NPAS3: variants seen among roughly 807,000 people sequenced by gnomAD.
NPAS3 encodes neuronal PAS domain protein 3, also known as neuronal PAS domain-containing protein 3.
A neutral mutation model predicts 73.1 loss-of-function variants in NPAS3; 14 were observed. The ratio of observed to expected loss-of-function variants is 0.19; its 90% CI spans 0.13 to 0.30. The LOEUF (loss-of-function observed/expected upper bound fraction) is 0.30, where lower values mean the gene tolerates loss of function less well. NPAS3 is among the 10% of genes least tolerant of loss of function. The probability of loss-of-function intolerance (pLI) is 1.00; values close to 1 mark genes in which losing one functional copy is unlikely to be tolerated. For synonymous variants in NPAS3, 620 were observed against 541.5 expected, an observed-to-expected ratio of 1.14 and a Z score of -2.01; for missense variants, 1,096 against 1,250.0, an observed-to-expected ratio of 0.88 and a Z score of 1.86.
intron 6 of NPAS3, among the ~76,000 whole-genome samples, chr14:33,702,887 G>A (rs1036798051): frequency 5.3e-5 from 8 of 152,116 alleles, no homozygotes; most frequent in Admixed American, 1.3e-4. Context: ...ATAAGCCCTA[G>A]GTTGATCATT....
chr14:33,323,770 A>G (rs894496782), intron 3 of NPAS3, among the ~76,000 whole-genome samples: 1 of 152,252 alleles, frequency 6.6e-6, no homozygotes, highest in African/African-American at 2.4e-5. Context: ...TAGAGGAAAA[A>G]GGCTTACGCC....
chr14:33,143,646 A>G (rs1168530707), intron 2 of NPAS3, among the ~76,000 whole-genome samples: 1 of 152,242 alleles, frequency 6.6e-6, no homozygotes, highest in Non-Finnish European at 1.5e-5. Flanking sequence ...TTGTACAAAT[A>G]GCACCTCTAT....
intron 5 of NPAS3, among the ~76,000 whole-genome samples, chr14:33,588,079 A>G (rs1020011968): frequency 8.5e-5 from 13 of 152,268 alleles, no homozygotes; most frequent in Non-Finnish European, 1.6e-4. Context: ...TTGTAAAAAT[A>G]AAGCCAGATT....
At chr14:33,521,693 A>G (rs576599986) in intron 4 of NPAS3, among the ~76,000 whole-genome samples, 1 of 152,206 alleles carries the variant, frequency 6.6e-6, no homozygotes, top group South Asian at 2.1e-4. Flanking sequence ...TGTTCTATTG[A>G]GACATCTTCC....
intron 3 of NPAS3, among the ~76,000 whole-genome samples, chr14:33,216,308 G>A (rs2047221156): frequency 6.6e-6 from 1 of 152,130 alleles, no homozygotes; most frequent in Non-Finnish European, 1.5e-5. Flanking sequence ...AGCTTCTTTT[G>A]TTACATCTTG....
intron 5 of NPAS3, among the ~76,000 whole-genome samples, chr14:33,592,360 C>T (rs1467648397): frequency 6.6e-6 from 1 of 152,166 alleles, no homozygotes; most frequent in East Asian, 1.9e-4. Context: ...GGTCCCTGTC[C>T]TTGAGAAGCT....
At chr14:33,595,315 C>T (rs1475696795) in intron 5 of NPAS3, among the ~76,000 whole-genome samples, 1 of 151,826 alleles carries the variant, frequency 6.6e-6, no homozygotes, top group Non-Finnish European at 1.5e-5. Context: ...AAAAATTTAT[C>T]TTCTCTGCCT....
At chr14:33,262,179 T>C (rs749368648) in intron 3 of NPAS3, among the ~76,000 whole-genome samples, 1 of 152,224 alleles carries the variant, frequency 6.6e-6, no homozygotes, top group Non-Finnish European at 1.5e-5. Context: ...ATGGTGTTGG[T>C]ATTTCTGCCT....
At chr14:33,542,373 A>C (rs1473504108) in intron 4 of NPAS3, among the ~76,000 whole-genome samples, 2 of 151,974 alleles carry the variant, frequency 1.3e-5, no homozygotes, top group Non-Finnish European at 1.5e-5. Context: ...TTCCCACCCC[A>C]GTTATCCACA....
chr14:33,696,441 A>C (rs1418420696), intron 6 of NPAS3, among the ~76,000 whole-genome samples: 5 of 152,238 alleles, frequency 3.3e-5, no homozygotes. Flanking sequence ...GAAAGACATA[A>C]TAAACACGAG....
intron 9 of NPAS3, among the ~76,000 whole-genome samples, chr14:33,784,094 A>C (rs1017467389): frequency 2.0e-5 from 3 of 152,246 alleles, no homozygotes; most frequent in Admixed American, 1.3e-4. Flanking sequence ...AAATATCAAC[A>C]GGAAAAATTT....
At chr14:33,295,272 CCGTAAGTACTGA>C (rs2042250333) in intron 3 of NPAS3, among the ~76,000 whole-genome samples, 1 of 152,174 alleles carries the variant, frequency 6.6e-6, no homozygotes, top group African/African-American at 2.4e-5. Context: ...CTCCCAGCTC[CCGTAAGTACTGA>C]TGAAGGGTAG....
intron 1 of NPAS3, among the ~76,000 whole-genome samples, chr14:32,978,963 G>T (rs1012064625): frequency 1.3e-5 from 2 of 152,108 alleles, no homozygotes; most frequent in East Asian, 1.9e-4. Flanking sequence ...GCTTGTGTTT[G>T]TATCTCCCAT....
chr14:33,111,434 G>T (rs978820389), intron 2 of NPAS3, among the ~76,000 whole-genome samples: 1 of 152,118 alleles, frequency 6.6e-6, no homozygotes. Context: ...TTAAAAAATA[G>T]CCCTATTATC....
intron 5 of NPAS3, among the ~76,000 whole-genome samples, chr14:33,626,949 C>T (rs934943102): frequency 1.3e-4 from 20 of 151,964 alleles, no homozygotes; most frequent in African/African-American, 4.8e-4. Context: ...TTCTTTCAAC[C>T]ATATTCTCTG....
chr14:33,104,801 A>G (rs1463895660), intron 2 of NPAS3, among the ~76,000 whole-genome samples: 5 of 152,158 alleles, frequency 3.3e-5, no homozygotes, highest in Non-Finnish European at 7.3e-5. Context: ...ATTTTAACCA[A>G]TTTGTCAGAC....
At chr14:33,288,088 A>G (rs1277582032) in intron 3 of NPAS3, among the ~76,000 whole-genome samples, 2 of 152,122 alleles carry the variant, frequency 1.3e-5, no homozygotes, top group Admixed American at 6.6e-5. Flanking sequence ...CAAACTTTCT[A>G]TGAAATGGAT....
chr14:33,054,151 G>C (rs1375183995), intron 1 of NPAS3, among the ~76,000 whole-genome samples: 1 of 152,092 alleles, frequency 6.6e-6, no homozygotes. Context: ...GCCTATTATT[G>C]AATCTTTTAA....
chr14:32,996,593 G>T (rs1316028502), intron 1 of NPAS3, among the ~76,000 whole-genome samples: 1 of 152,280 alleles, frequency 6.6e-6, no homozygotes, highest in African/African-American at 2.4e-5. Flanking sequence ...GTGGCTGAAA[G>T]GGGCCAGTGT....
Sources: allele counts gnomAD v4.1 joint callset (sites outside exome capture counted in the v4.1 genomes callset), GRCh38; gene constraint gnomAD v4.1.1; transcripts MANE v1.5; gene names NCBI Gene and HGNC (gene_info 2026-07-23, HGNC 2026-07-21).